TMEM26: variants seen among roughly 807,000 people sequenced by gnomAD.
The protein encoded by TMEM26 is transmembrane protein 26.
A neutral mutation model predicts 28.8 loss-of-function variants in TMEM26; 38 were observed. That is an observed-to-expected ratio of 1.32 (90% CI 1.02 to 1.73). The LOEUF (loss-of-function observed/expected upper bound fraction) is 1.73, where lower values mean the gene tolerates loss of function less well. Ranked by LOEUF, TMEM26 falls within the 40% of genes most tolerant of loss-of-function variation. The pLI, the probability that TMEM26 is intolerant of heterozygous loss-of-function variation, is 0.00. For synonymous variants in TMEM26, 227 were observed against 182.9 expected (o/e 1.24, Z -1.95); for missense variants, 518 against 447.1 (o/e 1.16, Z -1.43).
intron 1 of TMEM26, among the ~76,000 whole-genome samples, chr10:61,446,854 T>TAAAAAAAAAAAAAAAAAAAAAAA (rs1840191839): frequency 3.8e-5 from 3 of 78,348 alleles, no homozygotes; most frequent in African/African-American, 1.1e-4. Context: ...AAAAAAAAAT[T>TAAAAAAAAAAAAAAAAAAAAAAA]AAAAATGCTT....
chr10:61,439,638 A>T (rs992077799), intron 1 of TMEM26, among the ~76,000 whole-genome samples: 2 of 152,220 alleles, frequency 1.3e-5, no homozygotes, highest in African/African-American at 4.8e-5. Flanking sequence ...TTTTCCATGC[A>T]CTGATCTTTG....
In TMEM26 at chr10:61,410,016, C is replaced by A. The variant is rs771590023; in HGVS notation, c.*306G>T. ...CCGCGACAGTTGGTCTGCACCAAAT[C>A]TTTCGAGGGCATGTCACTGTAACCT... On this transcript the variant is annotated 3_prime_UTR_variant, in exon 6 of 6. Coordinates refer to ENST00000399298, the MANE Select transcript of TMEM26 (RefSeq NM_178505.8). The A allele has an allele frequency of 1.7e-4, 56 of 323,708 alleles. No individual in the cohort carries two copies. Among genetic ancestry groups the A allele is most frequent in the Non-Finnish European group, 2.6e-4 (46 of 176,708 alleles). The allele number at this position is 323,708 out of a possible 1,614,324, so 20.1% of individuals were successfully genotyped here.
At chr10:61,449,132 G>A (rs1840232599) in intron 1 of TMEM26, among the ~76,000 whole-genome samples, 1 of 152,070 alleles carries the variant, frequency 6.6e-6, no homozygotes, top group Non-Finnish European at 1.5e-5. Context: ...AAATATGCAG[G>A]TGAAATAGAT....
rs1438768944 is a variant in TMEM26, at chr10:61,410,559, G to A, written c.870C>T (p.Ala290=). The A allele has an allele frequency of 6.2e-7, 1 of 1,613,930 alleles. No homozygotes were observed. Among genetic ancestry groups the A allele is most frequent in the Admixed American group, 1.7e-5 (1 of 59,982 alleles). ...KVINQMLVFF[A]AKNFLVVVLQ... ...ACACCACCACGAGGAAGTTCTTCGCGGCAAAGAACACCAGCATCTGATTGA... is the reference window on the plus strand; with the variant it reads ...ACACCACCACGAGGAAGTTCTTCGCAGCAAAGAACACCAGCATCTGATTGA... The change falls in exon 6 of 6, where the codon GCC becomes GCT. Residue 290 remains alanine (A), a synonymous_variant. Coordinates refer to ENST00000399298, the MANE Select transcript of TMEM26 (RefSeq NM_178505.8).
rs180954748 is a variant in TMEM26, at chr10:61,416,769, C to A, written c.606-3234G>T. On this transcript the variant is annotated intron_variant, in intron 4 of 5. Coordinates refer to ENST00000399298, the MANE Select transcript of TMEM26 (RefSeq NM_178505.8). ...ATAAATAAACATTACATAATTGTAG[C>A]AGTAGTAATTTTACTAGTATGTCAA... is the stretch of plus-strand genomic sequence containing the variant. Among the ~76,000 whole-genome samples the A allele has an allele frequency of 4.6e-3, 701 of 152,060 alleles. 4 individuals carry two copies. Among genetic ancestry groups the A allele is most frequent in the Admixed American group, 9.4e-3 (143 of 15,236 alleles).
chr10:61,424,628 T>G (rs1182633837), intron 4 of TMEM26, among the ~76,000 whole-genome samples: 1 of 152,126 alleles, frequency 6.6e-6, no homozygotes, highest in Admixed American at 6.6e-5. Context: ...AAAACAAATT[T>G]TAAAAGAACA....
rs186250106 is a variant in TMEM26, at chr10:61,411,286, G to A, written c.683-540C>T. On this transcript the variant is annotated intron_variant, in intron 5 of 5. Coordinates refer to ENST00000399298, the MANE Select transcript of TMEM26 (RefSeq NM_178505.8). ...AACAATCATATCAGTGAGGAGAGGG[G>A]TCCCTATTCATTGGCTCATTTTGTT... Among the ~76,000 whole-genome samples the A allele has an allele frequency of 1.6e-3, 250 of 152,264 alleles. 1 individual carries two copies. The highest frequency in any genetic ancestry group is 5.7e-4 in the Non-Finnish European group (39 of 68,030).
intron 5 of TMEM26, among the ~76,000 whole-genome samples, chr10:61,412,295 T>A (rs1021687904): frequency 6.6e-6 from 1 of 152,128 alleles, no homozygotes; most frequent in Non-Finnish European, 1.5e-5. Context: ...TAATTACTAA[T>A]AAGTGATTCC....
intron 4 of TMEM26, among the ~76,000 whole-genome samples, chr10:61,415,439 A>C (rs1462426305): frequency 2.0e-5 from 3 of 152,056 alleles, no homozygotes; most frequent in Admixed American, 2.0e-4. Context: ...ATTTTTAAAT[A>C]ATGTTATGGA....
At chr10:61,424,294 AT>A (rs939067833) in intron 4 of TMEM26, among the ~76,000 whole-genome samples, 2 of 152,202 alleles carry the variant, frequency 1.3e-5, no homozygotes, top group African/African-American at 2.4e-5. Context: ...AATTAAAAAA[AT>A]AATTCCACTA....
intron 4 of TMEM26, among the ~76,000 whole-genome samples, chr10:61,420,855 G>A (rs1313876481): frequency 6.6e-6 from 1 of 151,926 alleles, no homozygotes; most frequent in Admixed American, 6.6e-5. Context: ...TGAAGTGCAT[G>A]AAAATGATAA....
chr10:61,431,115 C>A, intron 3 of TMEM26, 104 bp downstream of exon 3: 6 of 886,780 alleles, frequency 6.8e-6, no homozygotes, highest in Non-Finnish European at 1.1e-5. Context: ...GGATAACTTT[C>A]TTCAGGAAAG....
At position 61,413,309 on chromosome 10, in the gene TMEM26, A is replaced by T. The variant is rs1246074446; in HGVS notation, c.682+150T>A. The T allele has an allele frequency of 2.9e-6, 4 of 1,367,920 alleles. No individual in the cohort carries two copies. The African/African-American group carries it at 5.9e-5, about 20-fold the overall frequency. 84.7% of individuals were successfully genotyped at this position (1,367,920 alleles called of 1,614,324 possible). Reference sequence around the variant, plus strand: ...TGGATCCACTCTTCTTGGCTTACTAAGTTTCAATCTACTTTCCTTCTAAGC... The same window carrying T: ...TGGATCCACTCTTCTTGGCTTACTATGTTTCAATCTACTTTCCTTCTAAGC... On this transcript the variant is annotated intron_variant, in intron 5 of 5. Transcript: ENST00000399298.
At chr10:61,425,510 C>A (rs1176159906) in intron 4 of TMEM26, among the ~76,000 whole-genome samples, 2 of 151,916 alleles carry the variant, frequency 1.3e-5, no homozygotes, top group African/African-American at 4.8e-5. Flanking sequence ...TAAAAACAAG[C>A]TGAACACAGG....
chr10:61,445,194 CCATCAT>C (rs942674594), intron 1 of TMEM26, among the ~76,000 whole-genome samples: 3 of 152,178 alleles, frequency 2.0e-5, no homozygotes, highest in African/African-American at 7.2e-5. Flanking sequence ...ATCATCATCA[CCATCAT>C]CATTTTCATC....
At chr10:61,432,369 A>G (rs752109815) in intron 2 of TMEM26, among the ~76,000 whole-genome samples, 10 of 152,124 alleles carry the variant, frequency 6.6e-5, no homozygotes, top group Non-Finnish European at 1.3e-4. Context: ...TTCATTTTGT[A>G]TGAGAATTTC....
chr10:61,447,866 C>T (rs1306038534), intron 1 of TMEM26, among the ~76,000 whole-genome samples: 1 of 152,216 alleles, frequency 6.6e-6, no homozygotes, highest in Non-Finnish European at 1.5e-5. Context: ...CACTCTGTCA[C>T]CCAAACCACT....
At chr10:61,441,349 C>G (rs888607172) in intron 1 of TMEM26, among the ~76,000 whole-genome samples, 1 of 152,146 alleles carries the variant, frequency 6.6e-6, no homozygotes, top group African/African-American at 2.4e-5. Context: ...CAGAAGAAAA[C>G]TAATTTTATA....
chr10:61,445,088 T>C (rs1012820362), intron 1 of TMEM26, among the ~76,000 whole-genome samples: 1 of 152,178 alleles, frequency 6.6e-6, no homozygotes, highest in Non-Finnish European at 1.5e-5. Context: ...GCAACTAATG[T>C]ATAGGGTCAT....
Sources: allele counts gnomAD v4.1 joint callset (sites outside exome capture counted in the v4.1 genomes callset), GRCh38; gene constraint gnomAD v4.1.1; transcripts MANE v1.5; gene names NCBI Gene and HGNC (gene_info 2026-07-23, HGNC 2026-07-21).